RHBDL2: variants seen among roughly 807,000 people sequenced by gnomAD.
RHBDL2 encodes rhomboid like 2.
A neutral mutation model predicts 31.7 loss-of-function variants in RHBDL2; 26 were observed. The ratio of observed to expected loss-of-function variants is 0.82; its 90% CI spans 0.60 to 1.14. The LOEUF (loss-of-function observed/expected upper bound fraction) is 1.14, where lower values mean the gene tolerates loss of function less well. RHBDL2 is among the 50% of genes most tolerant of loss of function. The probability of loss-of-function intolerance (pLI) is 0.00; values close to 1 mark genes in which losing one functional copy is unlikely to be tolerated. For missense variants in RHBDL2, 336 were observed against 364.4 expected, an observed-to-expected ratio of 0.92 and a Z score of 0.63; for synonymous variants, 123 against 127.2, an observed-to-expected ratio of 0.97 and a Z score of 0.22.
intron 1 of RHBDL2, chr1:38,929,632 G>A: frequency 8.1e-7 from 1 of 1,239,318 alleles, no homozygotes; most frequent in Non-Finnish European, 1.0e-6. Context: ...GGGGAGCTCA[G>A]GAGGCTGGGC....
chr1:38,912,910 ATG>A (rs869081947), intron 3 of RHBDL2, among the ~76,000 whole-genome samples: 546 of 41,192 alleles, frequency 0.013, 7 homozygotes, highest in East Asian at 0.075. Flanking sequence ...ATATATATAT[ATG>A]TGTGTGTGTG....
chr1:38,891,260 CAAAAAAAAAAAA>C (rs11445131), intron 6 of RHBDL2, among the ~76,000 whole-genome samples: 8 of 79,266 alleles, frequency 1.0e-4, no homozygotes, highest in South Asian at 4.9e-4. Context: ...GACTCCGTCT[CAAAAAAAAAAAA>C]AAAAAAAAAG....
At chr1:38,928,963 C>CG (rs1305772246) in intron 1 of RHBDL2, among the ~76,000 whole-genome samples, 4 of 151,862 alleles carry the variant, frequency 2.6e-5, no homozygotes, top group African/African-American at 9.7e-5. Flanking sequence ...TCCAGGTACT[C>CG]GGGAGGCTGA....
intron 4 of RHBDL2, among the ~76,000 whole-genome samples, chr1:38,896,689 A>G (rs1039162708): frequency 6.6e-5 from 10 of 152,176 alleles, no homozygotes; most frequent in Admixed American, 1.3e-4. Flanking sequence ...CCTTCTCAAC[A>G]TACGATCCAA....
chr1:38,927,300 G>A (rs549465199), intron 1 of RHBDL2, among the ~76,000 whole-genome samples: 6 of 152,170 alleles, frequency 3.9e-5, no homozygotes, highest in African/African-American at 7.2e-5. Context: ...GGTGGCGGGC[G>A]CCTGTAGTCC....
chr1:38,912,682 A>G (rs184221211), intron 3 of RHBDL2, among the ~76,000 whole-genome samples: 13 of 150,992 alleles, frequency 8.6e-5, no homozygotes, highest in Non-Finnish European at 1.5e-4. Flanking sequence ...CAGCCCCTCA[A>G]AGGGCTGGGA....
intron 4 of RHBDL2, among the ~76,000 whole-genome samples, chr1:38,902,805 A>G (rs1570919760): frequency 6.6e-6 from 1 of 151,542 alleles, no homozygotes; most frequent in Non-Finnish European, 1.5e-5. Context: ...GCCCACCTCA[A>G]CCTCCCAAAG....
At position 38,894,819 on chromosome 1, in the gene RHBDL2, G is replaced by A. The variant is rs563542981; in HGVS notation, c.609+1150C>T. On this transcript the variant is annotated intron_variant, in intron 5 of 7. Transcript: ENST00000372990. ...CCTTCCAGGTTCAAGCCATTCTTCT[G>A]CCTCAGTCTCTCGAGTAGCTGGGAC... is the stretch of plus-strand genomic sequence containing the variant. Among the ~76,000 whole-genome samples the A allele has an allele frequency of 4.3e-5, 6 of 138,310 alleles. No individual in the cohort carries two copies. In the East Asian group the frequency reaches 1.1e-3, roughly 25 times the overall value. 90.7% of individuals were successfully genotyped at this position (138,310 alleles called of 152,430 possible).
intron 4 of RHBDL2, among the ~76,000 whole-genome samples, chr1:38,910,005 G>T (rs753829494): frequency 3.2e-4 from 49 of 152,276 alleles, no homozygotes; most frequent in Non-Finnish European, 5.3e-4. Flanking sequence ...TTTATGGAAT[G>T]AATACTGGGC....
chr1:38,919,397 C>T, intron 1 of RHBDL2, 60 bp from the exon 2 acceptor site: 1 of 1,445,078 alleles, frequency 6.9e-7, no homozygotes, highest in South Asian at 1.5e-5. Flanking sequence ...CCTAAATGGC[C>T]CAAAATAAAG....
intron 1 of RHBDL2, among the ~76,000 whole-genome samples, chr1:38,930,299 C>G (rs1464264610): frequency 1.3e-5 from 2 of 152,284 alleles, no homozygotes; most frequent in Middle Eastern, 3.4e-3. Context: ...ATCCTCCCGT[C>G]TGCTCTGTGA....
Position 38,891,237 on chromosome 1 carries a change from G to A in RHBDL2, c.670+1927C>T, listed in dbSNP as rs149830786. Among the ~76,000 whole-genome samples, 382 of 137,922 alleles carry A rather than the reference G, an allele frequency of 2.8e-3. 2 individuals are homozygous for A. Among genetic ancestry groups the A allele is most frequent in the African/African-American group, 9.3e-3 (353 of 37,778 alleles). The allele number at this position is 137,922 out of a possible 152,430, so 90.5% of individuals were successfully genotyped here. A position where few individuals can be genotyped will look rare whatever the true frequency, so the allele number is the denominator to read the frequency against. ...GATCACACCACTACACTCCAGCCTG[G>A]GCAACAGAGCGAGACTCCGTCTCAA... is the stretch of plus-strand genomic sequence containing the variant. On this transcript the variant is annotated intron_variant, in intron 6 of 7. Coordinates refer to ENST00000372990, the MANE Select transcript of RHBDL2 (RefSeq NM_017821.5).
chr1:38,893,858 G>A (rs544011808), intron 5 of RHBDL2, among the ~76,000 whole-genome samples: 4 of 152,160 alleles, frequency 2.6e-5, no homozygotes, highest in African/African-American at 7.2e-5. Context: ...TCCTGTCTCA[G>A]ACTCCTGAGT....
At chr1:38,902,232 G>A (rs1432215846) in intron 4 of RHBDL2, among the ~76,000 whole-genome samples, 2 of 100,350 alleles carry the variant, frequency 2.0e-5, no homozygotes, top group African/African-American at 7.2e-5. Context: ...TTGAGACAGA[G>A]TCTCACTCTG....
intron 4 of RHBDL2, among the ~76,000 whole-genome samples, chr1:38,908,202 T>C (rs78756116): frequency 0.022 from 3,258 of 148,786 alleles, 119 homozygotes; most frequent in African/African-American, 0.074. Flanking sequence ...TCATTAGCCA[T>C]TAGGGAAATG....
chr1:38,927,995 C>A (rs1030363171), intron 1 of RHBDL2, among the ~76,000 whole-genome samples: 1 of 151,880 alleles, frequency 6.6e-6, no homozygotes, highest in African/African-American at 2.4e-5. Flanking sequence ...TTTCTACGCA[C>A]CAAGTGTTAT....
chr1:38,896,074 A>G lies in RHBDL2; in HGVS notation c.509-5T>C. Reference sequence around the variant, plus strand: ...AGATGGAGCTGGCAAGGGACCCTAAAGAAATAAAACACAAAGGATCAGACA... The same window carrying G: ...AGATGGAGCTGGCAAGGGACCCTAAGGAAATAAAACACAAAGGATCAGACA... On this transcript the variant is annotated splice_region_variant and splice_polypyrimidine_tract_variant and intron_variant, in intron 4 of 7. Coordinates refer to ENST00000372990, the MANE Select transcript of RHBDL2 (RefSeq NM_017821.5). 6.2e-7 allele frequency: 1 copy of G among 1,601,002 alleles called. No individual in the cohort carries two copies. The highest frequency in any genetic ancestry group is 8.6e-7 in the Non-Finnish European group (1 of 1,168,368).
At chr1:38,914,810 A>G (rs1168436885) in intron 3 of RHBDL2, among the ~76,000 whole-genome samples, 2 of 151,378 alleles carry the variant, frequency 1.3e-5, no homozygotes, top group East Asian at 4.1e-4. Flanking sequence ...CGGATGGATC[A>G]CCTGAGGTCA....
chr1:38,933,623 C>T (rs753693126), intron 1 of RHBDL2, among the ~76,000 whole-genome samples: 1 of 152,118 alleles, frequency 6.6e-6, no homozygotes, highest in African/African-American at 2.4e-5. Flanking sequence ...CCCTGCTTAC[C>T]TACGGATAAG....
Sources: allele counts gnomAD v4.1 joint callset (sites outside exome capture counted in the v4.1 genomes callset), GRCh38; gene constraint gnomAD v4.1.1; transcripts MANE v1.5; gene names NCBI Gene and HGNC (gene_info 2026-07-23, HGNC 2026-07-21).